Variants in PRKN observed in about 807,000 individuals in gnomAD.
PRKN encodes parkin RBR E3 ubiquitin protein ligase.
PRKN carries 56 observed loss-of-function variants against 59.5 expected under a neutral mutation model. That is an observed-to-expected ratio of 0.94 (90% CI 0.76 to 1.18). The LOEUF is 1.18. PRKN is among the 50% of genes most tolerant of loss of function. The pLI is 0.00. For missense variants in PRKN, 657 were observed against 596.4 expected (o/e 1.10, Z -1.06); for synonymous variants, 250 against 222.1 (o/e 1.13, Z -1.12).
chr6:162,464,522 T>C lies in PRKN; in HGVS notation c.8-21049A>G, dbSNP rs1583617027. Among the ~76,000 whole-genome samples the C allele has an allele frequency of 2.0e-5, 3 of 151,990 alleles. 1 individual carries two copies. Among genetic ancestry groups the C allele is most frequent in the South Asian group, 4.2e-4 (2 of 4,810 alleles). On this transcript the variant is annotated intron_variant, in intron 1 of 11. Transcript: ENST00000366898. ...AGTCACATTCTATTTCATTAGAAAT[T>C]TGTCTACAAATGGCCGGGCGCAGTG...
At chr6:162,299,641 ATATG>A (rs1477548243) in intron 2 of PRKN, among the ~76,000 whole-genome samples, 9 of 151,448 alleles carry the variant, frequency 5.9e-5, no homozygotes, top group East Asian at 3.9e-4. Flanking sequence ...CTTTATATAT[ATATG>A]TATTTATTCC....
chr6:161,973,795 G>A (rs746324245), intron 5 of PRKN, among the ~76,000 whole-genome samples: 29 of 152,208 alleles, frequency 1.9e-4, no homozygotes, highest in Non-Finnish European at 3.4e-4. Flanking sequence ...ATGAAATGAG[G>A]TGCCCACGGG....
At chr6:162,496,720 A>T (rs1242606194) in intron 1 of PRKN, among the ~76,000 whole-genome samples, 1 of 152,232 alleles carries the variant, frequency 6.6e-6, no homozygotes, top group Non-Finnish European at 1.5e-5. Context: ...AATGATATCT[A>T]TGTGACAAAG....
At chr6:162,710,678 A>T (rs1404208120) in intron 1 of PRKN, among the ~76,000 whole-genome samples, 2 of 152,168 alleles carry the variant, frequency 1.3e-5, no homozygotes, top group African/African-American at 4.8e-5. Flanking sequence ...GAAGTGTCAG[A>T]AGGGCTTTTC....
At chr6:162,021,148 A>ATATATATATATATATATATATAT (rs1783153736) in intron 5 of PRKN, among the ~76,000 whole-genome samples, 3 of 12,930 alleles carry the variant, frequency 2.3e-4, no homozygotes, top group Non-Finnish European at 5.0e-4. Context: ...ATATATATAT[A>ATATATATATATATATATATATAT]TATATATATA....
At chr6:161,398,561 T>G (rs1018766266) in intron 9 of PRKN, among the ~76,000 whole-genome samples, 9 of 152,142 alleles carry the variant, frequency 5.9e-5, no homozygotes, top group Non-Finnish European at 8.8e-5. Context: ...GGAACTCCAC[T>G]CAGAATGTAT....
chr6:161,632,916 C>T (rs1477527689), intron 7 of PRKN, among the ~76,000 whole-genome samples: 1 of 152,180 alleles, frequency 6.6e-6, no homozygotes, highest in African/African-American at 2.4e-5. Flanking sequence ...CCTCCCATGA[C>T]ACATGGGGAT....
At chr6:161,824,692 C>T (rs981608518) in intron 6 of PRKN, among the ~76,000 whole-genome samples, 1 of 152,136 alleles carries the variant, frequency 6.6e-6, no homozygotes, top group Non-Finnish European at 1.5e-5. Context: ...CATTTATCTA[C>T]TAATAATGAA....
At chr6:161,571,368 T>C (rs1159311875) in intron 7 of PRKN, among the ~76,000 whole-genome samples, 1 of 152,242 alleles carries the variant, frequency 6.6e-6, no homozygotes, top group African/African-American at 2.4e-5. Context: ...GCAGGACATA[T>C]CAACTAAATT....
At chr6:162,611,324 TCA>T (rs1426672308) in intron 1 of PRKN, among the ~76,000 whole-genome samples, 4 of 152,188 alleles carry the variant, frequency 2.6e-5, no homozygotes, top group Admixed American at 2.0e-4. Context: ...AATACAAAAT[TCA>T]GATTGCTACA....
Position 161,409,782 on chromosome 6 carries a change from G to A in PRKN, c.1084-22905C>T, listed in dbSNP as rs1323632578. Among the ~76,000 whole-genome samples the A allele has an allele frequency of 1.3e-5, 2 of 152,154 alleles. No individual in the cohort carries two copies. The highest frequency in any genetic ancestry group is 2.9e-5 in the Non-Finnish European group (2 of 68,022). ...CCTTCAGCACCGGCCTGAAGAAAGC[G>A]CAGGCCCAGTGGCAGTCTGCCTTCT... On this transcript the variant is annotated intron_variant, in intron 9 of 11. Coordinates refer to ENST00000366898, the MANE Select transcript of PRKN (RefSeq NM_004562.3). This position sits in a 1 kb window ranked among gnomAD's most constrained non-coding sequence, Gnocchi z 4.6.
At chr6:162,323,408 T>C (rs1177036641) in intron 2 of PRKN, among the ~76,000 whole-genome samples, 2 of 133,690 alleles carry the variant, frequency 1.5e-5, no homozygotes, top group African/African-American at 5.3e-5. Flanking sequence ...TCATTTATTT[T>C]GACTGTCAAA....
intron 9 of PRKN, among the ~76,000 whole-genome samples, chr6:161,509,879 CAAA>C (rs1175501223): frequency 2.8e-4 from 14 of 49,364 alleles, no homozygotes; most frequent in African/African-American, 7.7e-4. Context: ...GACTCCATCT[CAAA>C]AAAAAAAAAA....
intron 5 of PRKN, among the ~76,000 whole-genome samples, chr6:162,029,118 C>T (rs1783545569): frequency 6.6e-6 from 1 of 152,158 alleles, no homozygotes; most frequent in Non-Finnish European, 1.5e-5. Context: ...CCTGCCCTTA[C>T]TAGTAGCTCC....
intron 1 of PRKN, among the ~76,000 whole-genome samples, chr6:162,646,299 G>A (rs1171247206): frequency 2.0e-5 from 3 of 151,214 alleles, no homozygotes; most frequent in Non-Finnish European, 1.5e-5. Context: ...CATAGACAGA[G>A]TCTCTCTCTT....
At chr6:162,366,428 G>A (rs926475694) in intron 2 of PRKN, among the ~76,000 whole-genome samples, 4 of 151,962 alleles carry the variant, frequency 2.6e-5, no homozygotes, top group Admixed American at 6.6e-5. Context: ...TGTATTAATT[G>A]TCTTTTGCTT....
rs1250212657 is a variant in PRKN at position 161,417,337 on chromosome 6, C to T, written c.1084-30460G>A. 5.9e-5 allele frequency among the ~76,000 whole-genome samples: 9 copies of T among 151,792 alleles called. No individual in the cohort carries two copies. The highest frequency in any genetic ancestry group is 2.2e-4 in the African/African-American group (9 of 41,294). ...TGGTGGCGCCTGCCTGTAGTCGCAGCTACTCGGGAGGCTAAGGCAGCAGAA... is the reference window on the plus strand; with the variant it reads ...TGGTGGCGCCTGCCTGTAGTCGCAGTTACTCGGGAGGCTAAGGCAGCAGAA... On this transcript the variant is annotated intron_variant, in intron 9 of 11. Transcript: ENST00000366898. This position sits in a 1 kb window ranked among gnomAD's most constrained non-coding sequence, Gnocchi z 5.4.
intron 6 of PRKN, among the ~76,000 whole-genome samples, chr6:161,895,845 G>T (rs1777606930): frequency 1.3e-5 from 2 of 152,198 alleles, no homozygotes; most frequent in Non-Finnish European, 2.9e-5. Flanking sequence ...GGGCACAGTG[G>T]GGGTAAGGGG....
At chr6:162,372,091 TC>T (rs1785799655) in intron 2 of PRKN, among the ~76,000 whole-genome samples, 1 of 152,218 alleles carries the variant, frequency 6.6e-6, no homozygotes, top group Non-Finnish European at 1.5e-5. Flanking sequence ...TCTGGCCTCC[TC>T]CTGAAGGACA....
Sources: gnomAD v4.1 joint callset for allele counts (sites outside exome capture counted in the v4.1 genomes callset) on GRCh38, gnomAD v4.1.1 for gene constraint, Gnocchi (gnomAD v3.1) non-coding constraint, MANE v1.5 for transcripts, NCBI Gene and HGNC (gene_info 2026-07-23, HGNC 2026-07-21) for gene names.